Variants in SNTG1 observed in about 807,000 individuals in gnomAD.
SNTG1 encodes the protein syntrophin gamma 1.
SNTG1 carries 39 observed loss-of-function variants against 74.7 expected under a neutral mutation model. That is an observed-to-expected ratio of 0.52 (90% CI 0.40 to 0.68). The LOEUF is 0.68. SNTG1 is among the 30% of genes least tolerant of loss of function. The probability of loss-of-function intolerance (pLI) is 0.00; values close to 1 mark genes in which losing one functional copy is unlikely to be tolerated. For synonymous variants in SNTG1, 254 were observed against 217.1 expected (o/e 1.17, Z -1.49); for missense variants, 685 against 609.5 (o/e 1.12, Z -1.30).
intron 1 of SNTG1, among the ~76,000 whole-genome samples, chr8:50,005,728 G>A (rs1253374409): frequency 2.0e-5 from 3 of 151,980 alleles, no homozygotes. Flanking sequence ...CCCTCCATGT[G>A]ATAAAATTAG....
At chr8:50,010,935 A>G (rs2130566060) in intron 1 of SNTG1, among the ~76,000 whole-genome samples, 1 of 152,098 alleles carries the variant, frequency 6.6e-6, no homozygotes, top group Admixed American at 6.6e-5. Flanking sequence ...ACCATTGCTC[A>G]TTCATTTTAA....
chr8:50,662,770 A>G (rs2095230955), intron 15 of SNTG1, among the ~76,000 whole-genome samples: 1 of 151,310 alleles, frequency 6.6e-6, no homozygotes, highest in Admixed American at 6.6e-5. Context: ...ACCCTTTATG[A>G]GTGTATTGGG....
chr8:50,348,318 T>A (rs958206982), intron 2 of SNTG1, among the ~76,000 whole-genome samples: 1 of 152,132 alleles, frequency 6.6e-6, no homozygotes, highest in Non-Finnish European at 1.5e-5. Flanking sequence ...GAAGGTAGGA[T>A]CCCAGGATGC....
intron 1 of SNTG1, among the ~76,000 whole-genome samples, chr8:49,991,593 GA>G (rs1024043895): frequency 5.3e-5 from 8 of 152,130 alleles, no homozygotes; most frequent in Non-Finnish European, 1.2e-4. Context: ...AAGAATATTT[GA>G]GAATAAGAAT....
At chr8:49,970,584 T>C (rs1203674780) in intron 1 of SNTG1, among the ~76,000 whole-genome samples, 2 of 152,178 alleles carry the variant, frequency 1.3e-5, no homozygotes, top group African/African-American at 4.8e-5. Context: ...GGAATCCAAA[T>C]TATATTTAGA....
intron 17 of SNTG1, among the ~76,000 whole-genome samples, chr8:50,743,001 A>G (rs1351651038): frequency 5.9e-5 from 9 of 151,836 alleles, no homozygotes; most frequent in Non-Finnish European, 1.3e-4. Context: ...GATTGAATCC[A>G]TAATCATAAA....
intron 8 of SNTG1, among the ~76,000 whole-genome samples, chr8:50,472,303 T>A (rs943028328): frequency 3.9e-5 from 6 of 152,162 alleles, no homozygotes; most frequent in African/African-American, 1.4e-4. Context: ...TTATTACAAA[T>A]CTACAGCCAA....
chr8:50,357,934 G>C (rs2091862608), intron 2 of SNTG1, among the ~76,000 whole-genome samples: 1 of 152,098 alleles, frequency 6.6e-6, no homozygotes, highest in African/African-American at 2.4e-5. Context: ...TCTCCGTTGA[G>C]TGCATATGTA....
At chr8:50,721,499 T>C (rs1312975769) in intron 17 of SNTG1, among the ~76,000 whole-genome samples, 1 of 152,218 alleles carries the variant, frequency 6.6e-6, no homozygotes. Context: ...ATGCTATGAA[T>C]AAATTGCTTT....
At position 49,931,612 on chromosome 8, in the gene SNTG1, C is replaced by A. The variant is rs569112552; in HGVS notation, c.-103+19381C>A. Among the ~76,000 whole-genome samples, 7 of 152,040 alleles carry A rather than the reference C, an allele frequency of 4.6e-5. No individual in the cohort carries two copies. In the East Asian group the frequency reaches 1.2e-3, roughly 25 times the overall value. On this transcript the variant is annotated intron_variant, in intron 1 of 18. Coordinates refer to ENST00000642720, the MANE Select transcript of SNTG1 (RefSeq NM_018967.5). ...ACCTAGAAGTCTATGAAAAAACTAA[C>A]CAAAAAAGCAAAAATAACCTAGAAG...
At chr8:50,725,015 G>C (rs1327324523) in intron 17 of SNTG1, among the ~76,000 whole-genome samples, 1 of 152,034 alleles carries the variant, frequency 6.6e-6, no homozygotes, top group East Asian at 1.9e-4. Flanking sequence ...TACTAATGGA[G>C]ACAAATAAAT....
chr8:50,042,871 A>G (rs1312044589), intron 1 of SNTG1, among the ~76,000 whole-genome samples: 1 of 152,196 alleles, frequency 6.6e-6, no homozygotes, highest in Non-Finnish European at 1.5e-5. Flanking sequence ...CAGTGGGATT[A>G]TAGCCATGAG....
At chr8:50,143,894 C>T (rs558764965) in intron 1 of SNTG1, among the ~76,000 whole-genome samples, 1 of 152,148 alleles carries the variant, frequency 6.6e-6, no homozygotes, top group Non-Finnish European at 1.5e-5. Context: ...ACATCATATA[C>T]CTTAATCAGT....
In SNTG1 at chr8:50,182,889, G is replaced by T. The variant is rs913738629; in HGVS notation, c.-28+10254G>T. On this transcript the variant is annotated intron_variant, in intron 2 of 18. Transcript: ENST00000642720. ...ACAAACAAATGCTATGGAATTAATT[G>T]TCCATGAGGCAAATCTCTGACAACC... 2.0e-5 allele frequency among the ~76,000 whole-genome samples: 3 copies of T among 152,002 alleles called. No individual in the cohort carries two copies. In the South Asian group the frequency reaches 6.2e-4, roughly 32 times the overall value.
At chr8:50,783,454 C>T (rs2095665983) in intron 18 of SNTG1, among the ~76,000 whole-genome samples, 1 of 152,348 alleles carries the variant, frequency 6.6e-6, no homozygotes. Context: ...TCTCAGACTG[C>T]TGTGCTAGCA....
chr8:50,011,443 G>A (rs1815786955), intron 1 of SNTG1, among the ~76,000 whole-genome samples: 3 of 152,086 alleles, frequency 2.0e-5, no homozygotes, highest in Non-Finnish European at 4.4e-5. Flanking sequence ...CTTTTATCAA[G>A]ATGTGTGACA....
At chr8:50,155,578 T>C (rs1045527314) in intron 1 of SNTG1, among the ~76,000 whole-genome samples, 2 of 152,002 alleles carry the variant, frequency 1.3e-5, no homozygotes, top group Non-Finnish European at 2.9e-5. Context: ...TTCCCAAATA[T>C]TTGTAAATTA....
chr8:50,346,521 G>A (rs757771208), intron 2 of SNTG1, among the ~76,000 whole-genome samples: 1 of 152,148 alleles, frequency 6.6e-6, no homozygotes. Context: ...TGGCCTCCTA[G>A]TGTTCACGTT....
intron 15 of SNTG1, among the ~76,000 whole-genome samples, chr8:50,670,847 A>G (rs1443884721): frequency 6.6e-6 from 1 of 151,122 alleles, no homozygotes; most frequent in Non-Finnish European, 1.5e-5. Context: ...AAACAGAGAT[A>G]TAGATCAATG....
Sources: gnomAD v4.1 joint callset for allele counts (sites outside exome capture counted in the v4.1 genomes callset) on GRCh38, gnomAD v4.1.1 for gene constraint, MANE v1.5 for transcripts, NCBI Gene and HGNC (gene_info 2026-07-23, HGNC 2026-07-21) for gene names.